TRIM2: variants seen among roughly 807,000 people sequenced by gnomAD.
The protein encoded by TRIM2 is tripartite motif-containing protein 2.
In TRIM2, 20 loss-of-function variants were observed where a neutral mutation model predicts 75.2. That is an observed-to-expected ratio of 0.27 (90% CI 0.19 to 0.39). The LOEUF (loss-of-function observed/expected upper bound fraction) is 0.39, where lower values mean the gene tolerates loss of function less well. Among genes scored for constraint, TRIM2 ranks in the 10% least tolerant of loss-of-function variants. TRIM2 has a pLI of 1.00. For missense variants in TRIM2, 660 were observed against 990.8 expected (o/e 0.67, Z 4.48); for synonymous variants, 373 against 388.3 (o/e 0.96, Z 0.46).
intron 1 of TRIM2, among the ~76,000 whole-genome samples, chr4:153,153,918 A>G (rs1260754060): frequency 2.0e-4 from 31 of 152,268 alleles, no homozygotes. Flanking sequence ...GAGGGCAGAC[A>G]TGAAGTGAAA....
intron 1 of TRIM2, among the ~76,000 whole-genome samples, chr4:153,232,491 G>A (rs1477119977): frequency 1.3e-5 from 2 of 152,058 alleles, no homozygotes; most frequent in African/African-American, 2.4e-5. Flanking sequence ...GAGTGAGGCT[G>A]CATCTCAAAA....
chr4:153,163,272 A>G (rs983917025), intron 1 of TRIM2, among the ~76,000 whole-genome samples: 6 of 151,910 alleles, frequency 3.9e-5, no homozygotes, highest in African/African-American at 1.5e-4. Flanking sequence ...TACAGCCTCC[A>G]ACTCCTGGGC....
At chr4:153,242,823 T>G (rs903810195) in intron 1 of TRIM2, among the ~76,000 whole-genome samples, 3 of 152,184 alleles carry the variant, frequency 2.0e-5, no homozygotes, top group African/African-American at 7.2e-5. Context: ...ACTTGCAGGT[T>G]GTAAGGCATG....
chr4:153,239,832 C>CTTTTTTTTTTTTTTTTTTTTT (rs142457664), intron 1 of TRIM2, among the ~76,000 whole-genome samples: 1 of 139,448 alleles, frequency 7.2e-6, no homozygotes, highest in Non-Finnish European at 1.6e-5. Flanking sequence ...AACTTTCTTT[C>CTTTTTTTTTTTTTTTTTTTTT]TCTTTTTTTT....
intron 1 of TRIM2, among the ~76,000 whole-genome samples, chr4:153,257,129 C>A (rs1436917090): frequency 1.3e-5 from 2 of 152,124 alleles, no homozygotes; most frequent in African/African-American, 4.8e-5. Context: ...CGTTTGCGTC[C>A]CAGCACTCCC....
At chr4:153,221,970 G>GGAA (rs1740439875) in intron 1 of TRIM2, among the ~76,000 whole-genome samples, 2 of 105,420 alleles carry the variant, frequency 1.9e-5, no homozygotes, top group Admixed American at 1.0e-4. Flanking sequence ...GAGGGAGGAA[G>GGAA]GGAGGAAGGA....
chr4:153,230,183 ATT>A (rs572520121), intron 1 of TRIM2, among the ~76,000 whole-genome samples: 1 of 144,902 alleles, frequency 6.9e-6, no homozygotes, highest in Non-Finnish European at 1.5e-5. Flanking sequence ...CATCCACACT[ATT>A]TTTTTTTTTT....
In TRIM2 at chr4:153,248,741, C is replaced by T. The variant is rs1309488693; in HGVS notation, c.31-21594C>T. Among the ~76,000 whole-genome samples, 2 of 152,200 alleles carry T rather than the reference C, an allele frequency of 1.3e-5. No homozygotes were observed. The highest frequency in any genetic ancestry group is 2.9e-5 in the Non-Finnish European group (2 of 68,042). On this transcript the variant is annotated intron_variant, in intron 1 of 11. Coordinates refer to ENST00000338700, the MANE Select transcript of TRIM2 (RefSeq NM_015271.5). This position sits in a 1 kb window ranked among gnomAD's most constrained non-coding sequence, Gnocchi z 4.0. ...TGAAAGTGACCCTGAGTTGTAGTGC[C>T]AGGCAGGTTGCTTAGGAAAATACTC...
intron 1 of TRIM2, among the ~76,000 whole-genome samples, chr4:153,219,525 C>T (rs1423526001): frequency 6.6e-6 from 1 of 152,080 alleles, no homozygotes; most frequent in Non-Finnish European, 1.5e-5. Context: ...CCACATGTGG[C>T]CATTGAGAGA....
chr4:153,243,153 G>A (rs1292104234), intron 1 of TRIM2, among the ~76,000 whole-genome samples: 1 of 152,208 alleles, frequency 6.6e-6, no homozygotes, highest in Non-Finnish European at 1.5e-5. Context: ...CCCTGCCAAG[G>A]CAAGGAGGGA....
rs541122511 is a variant in TRIM2 at position 153,335,257 on chromosome 4, A to G, written c.*291A>G. 60 of 1,063,866 alleles carry G rather than the reference A, an allele frequency of 5.6e-5. No individual in the cohort carries two copies. The African/African-American group carries it at 1.1e-3, about 20-fold the overall frequency. 65.9% of individuals were successfully genotyped at this position (1,063,866 alleles called of 1,614,324 possible). A position where few individuals can be genotyped will look rare whatever the true frequency, so the allele number is the denominator to read the frequency against. ...TTATGTAGCTAAACTAATTTTGCAA[A>G]TCAAACAGACACTTAAAAAACTAGC... On this transcript the variant is annotated 3_prime_UTR_variant, in exon 12 of 12. Transcript: ENST00000338700.
intron 1 of TRIM2, among the ~76,000 whole-genome samples, chr4:153,214,693 C>G (rs928589158): frequency 6.6e-6 from 1 of 152,108 alleles, no homozygotes; most frequent in Non-Finnish European, 1.5e-5. Flanking sequence ...CTTGTACTTT[C>G]CTGATGATAA....
chr4:153,271,938 C>T (rs1756779392), intron 2 of TRIM2, among the ~76,000 whole-genome samples: 1 of 152,150 alleles, frequency 6.6e-6, no homozygotes, highest in African/African-American at 2.4e-5. Flanking sequence ...GTCCTACTTC[C>T]TCACTCTGAC....
intron 1 of TRIM2, chr4:153,257,557 C>T: frequency 7.8e-7 from 1 of 1,289,748 alleles, no homozygotes; most frequent in Non-Finnish European, 1.0e-6. Context: ...TGGCACATCA[C>T]TACTTAGAGC....
chr4:153,287,343 A>G (rs906227734), intron 3 of TRIM2, among the ~76,000 whole-genome samples: 42 of 152,234 alleles, frequency 2.8e-4, no homozygotes, highest in African/African-American at 9.9e-4. Context: ...TAGAGAGCAT[A>G]TAGTTGGATT....
Position 153,315,980 on chromosome 4 carries a change from C to T in TRIM2, c.1763C>T (p.Ser588Phe). The T allele has an allele frequency of 1.3e-6, 2 of 1,573,942 alleles. No individual in the cohort carries two copies. The highest frequency in any genetic ancestry group is 1.7e-6 in the Non-Finnish European group (2 of 1,161,328). The change falls in exon 8 of 12, where the codon TCC becomes TTC. Residue 588 changes from serine (S) to phenylalanine (F), a missense_variant. Coordinates refer to ENST00000338700, the MANE Select transcript of TRIM2 (RefSeq NM_015271.5). ...GATAATAAATGGGTCAGCATTTTCT[C>T]CTCCGATGGGAAATTTAAGGTAAGA... ...DYDNKWVSIF[S>F]SDGKFKTKIG...
At chr4:153,298,580 T>C (rs1336651805) in intron 6 of TRIM2, among the ~76,000 whole-genome samples, 1 of 152,196 alleles carries the variant, frequency 6.6e-6, no homozygotes, top group Admixed American at 6.5e-5. Flanking sequence ...AATATGTATA[T>C]ATTCATGGTG....
intron 1 of TRIM2, among the ~76,000 whole-genome samples, chr4:153,269,582 A>AACG (rs1271207968): frequency 1.3e-5 from 2 of 152,372 alleles, no homozygotes; most frequent in East Asian, 3.9e-4. Context: ...GACACAGTCC[A>AACG]ACCTCTTCAA....
intron 1 of TRIM2, among the ~76,000 whole-genome samples, chr4:153,185,949 C>T (rs947658215): frequency 1.3e-5 from 2 of 152,216 alleles, no homozygotes; most frequent in African/African-American, 4.8e-5. Flanking sequence ...CTATTGCTGA[C>T]TGCTCCTGTG....
Sources: allele counts gnomAD v4.1 joint callset (sites outside exome capture counted in the v4.1 genomes callset), GRCh38; gene constraint gnomAD v4.1.1; non-coding constraint Gnocchi (gnomAD v3.1); transcripts MANE v1.5; gene names NCBI Gene and HGNC (gene_info 2026-07-23, HGNC 2026-07-21).